The following DYRK1B variants were observed in gnomAD, a reference collection of about 807,000 sequenced individuals.
DYRK1B encodes the protein dual specificity tyrosine-phosphorylation-regulated kinase 1B.
A neutral mutation model predicts 57.1 loss-of-function variants in DYRK1B; 20 were observed. The observed-to-expected ratio is 0.35, with a 90% CI of 0.25 to 0.51. DYRK1B has a LOEUF of 0.51. Ranked by LOEUF, DYRK1B falls within the 20% of genes least tolerant of loss-of-function variation. DYRK1B has a pLI of 0.96. For missense variants in DYRK1B, 732 were observed against 886.3 expected (o/e 0.83, Z 2.21); for synonymous variants, 409 against 384.7 (o/e 1.06, Z -0.74).
rs757658083 is a variant in DYRK1B, at chr19:39,827,321, AC to A, written c.1058del (p.Gly353ValfsTer150). 3 of 1,613,296 alleles carry A rather than the reference AC, an allele frequency of 1.9e-6. No homozygotes were observed. The highest frequency in any genetic ancestry group is 2.5e-6 in the Non-Finnish European group (3 of 1,179,588). ...ARKYFERLPG[G>X]GWTLRRTKEL... ...CTTTCGTCCTTCGTAGGGTCCAGCC[AC>A]CCCCAGGCAGCCGTTCAAAGTACTT... On this transcript the variant is annotated frameshift_variant, in exon 8 of 11. Coordinates refer to ENST00000323039, the MANE Select transcript of DYRK1B (RefSeq NM_004714.3). LOFTEE classifies it high-confidence loss of function.
chr19:39,827,008 G>A, intron 8 of DYRK1B, 21 bp from the exon 9 acceptor site: 2 of 1,379,804 alleles, frequency 1.4e-6, no homozygotes, highest in African/African-American at 1.5e-5. Flanking sequence ...GGGGGTGGGA[G>A]GGGGGGCAAG....
chr19:39,830,766 C>A lies in DYRK1B; in HGVS notation c.81G>T (p.Arg27=), dbSNP rs781197009. ...QEHTQVLPDV[R]LLPRRLPLAF... ...CCAGGGGCAGCCTCCGAGGCAGTAG[C>A]CGCACATCAGGCAATACCTGCAGGG... The change falls in exon 3 of 11, where the codon CGG becomes CGT. Residue 27 remains arginine (R), a synonymous_variant. Transcript: ENST00000323039. 6.2e-7 allele frequency: 1 copy of A among 1,613,328 alleles called. No homozygotes were observed. The highest frequency in any genetic ancestry group is 8.5e-7 in the Non-Finnish European group (1 of 1,179,720).
Position 39,826,111 on chromosome 19 carries a change from T to A in DYRK1B, c.1519-25A>T, listed in dbSNP as rs1599636874. On this transcript the variant is annotated intron_variant, in intron 10 of 10. Transcript: ENST00000323039. The surrounding 1 kb of genome is among the most constrained non-coding windows in gnomAD (Gnocchi z 6.3). ...CCTAAAAAAGCAAAGGAGCCATGGGTGATGGAGACCCTGGTCTCTAAGCCC... is the reference window on the plus strand; with the variant it reads ...CCTAAAAAAGCAAAGGAGCCATGGGAGATGGAGACCCTGGTCTCTAAGCCC... 6.5e-7 allele frequency: 1 copy of A among 1,541,936 alleles called. No homozygotes were observed. The highest frequency in any genetic ancestry group is 2.2e-5 in the Admixed American group (1 of 46,292).
intron 2 of DYRK1B, among the ~76,000 whole-genome samples, chr19:39,831,257 C>T (rs1388385855): frequency 1.3e-5 from 2 of 152,082 alleles, no homozygotes; most frequent in East Asian, 3.9e-4. Flanking sequence ...TGGATCTGGC[C>T]CCTGGACCTC....
chr19:39,827,249 C>A (rs374376022), intron 8 of DYRK1B, 36 bp downstream of exon 8: 3 of 1,560,802 alleles, frequency 1.9e-6, no homozygotes, highest in South Asian at 2.3e-5. Context: ...TGAGGGGCCA[C>A]GGGGTGGGAG....
chr19:39,826,688 G>A lies in DYRK1B; in HGVS notation c.1395C>T (p.Ser465=). 1.9e-6 allele frequency: 3 copies of A among 1,603,960 alleles called. No individual in the cohort carries two copies. The highest frequency in any genetic ancestry group is 8.5e-7 in the Non-Finnish European group (1 of 1,176,330). Residue 465 remains serine (S), a synonymous_variant, in exon 9 of 11, where the codon AGC becomes AGT. Coordinates refer to ENST00000323039, the MANE Select transcript of DYRK1B (RefSeq NM_004714.3). The surrounding 1 kb of genome is among the most constrained non-coding windows in gnomAD (Gnocchi z 6.3). ...GGCACCCACCAGAACTGGAGATGGA[G>A]CTGGCGGTGCTGGAAGAGGGGCAGG... ...LDTCPSSSTA[S]SISSSGGSSG...
In DYRK1B at chr19:39,830,000, G is replaced by T; in HGVS notation, c.400C>A (p.Gln134Lys). The change falls in exon 5 of 11, where the codon CAG becomes AAG. Residue 134 changes from glutamine to lysine, a missense_variant. Gln to Lys is a moderately conservative substitution (Grantham distance 53, BLOSUM62 1). Coordinates refer to ENST00000323039, the MANE Select transcript of DYRK1B (RefSeq NM_004714.3). Reference sequence around the variant, plus strand: ...ATGATCTTGATGGCCACAAGCTCCTGGGTCTGATGATCATAGGCTTTCACC... The same window carrying T: ...ATGATCTTGATGGCCACAAGCTCCTTGGTCTGATGATCATAGGCTTTCACC... ...QVVKAYDHQT[Q>K]ELVAIKIIKN... 1 of 1,614,100 alleles carries T rather than the reference G, an allele frequency of 6.2e-7. No homozygotes were observed. Among genetic ancestry groups the T allele is most frequent in the Non-Finnish European group, 8.5e-7 (1 of 1,180,026 alleles).
At chr19:39,827,850 G>A (rs975978470) in intron 6 of DYRK1B, among the ~76,000 whole-genome samples, 194 bp from the exon 7 acceptor site, 5 of 152,058 alleles carry the variant, frequency 3.3e-5, no homozygotes, top group African/African-American at 1.2e-4. Flanking sequence ...TGGGGAGTCT[G>A]CTGGCCTAGA....
rs755904574 is a variant in DYRK1B at position 39,826,778 on chromosome 19, G to A, written c.1305C>T (p.Ala435=). 1.5e-5 allele frequency: 24 copies of A among 1,563,796 alleles called. No individual in the cohort carries two copies. The highest frequency in any genetic ancestry group is 1.4e-4 in the South Asian group (12 of 84,742). ...CCGGGCCCGTGTTGGTGGCCTCGTC[G>A]GCCGTGCGGCGGAAGAAGCCGTGCT... is the stretch of plus-strand genomic sequence containing the variant. ...ALQHGFFRRT[A]DEATNTGPAG... The change falls in exon 9 of 11, where the codon GCC becomes GCT. Residue 435 remains alanine (A), a synonymous_variant. Coordinates refer to ENST00000323039, the MANE Select transcript of DYRK1B (RefSeq NM_004714.3). The surrounding 1 kb of genome is among the most constrained non-coding windows in gnomAD (Gnocchi z 6.3).
chr19:39,826,411 C>G lies in DYRK1B; in HGVS notation c.1412-125G>C. The G allele has an allele frequency of 2.3e-6, 2 of 883,846 alleles. No individual in the cohort carries two copies. Among genetic ancestry groups the G allele is most frequent in the Non-Finnish European group, 3.3e-6 (2 of 603,564 alleles). 54.8% of individuals were successfully genotyped at this position (883,846 alleles called of 1,614,324 possible). ...TTCAGGCTTCAAGAGCAGAGCCCATCTGAAGCACCGGGCCCAATTCTGAGA... is the reference window on the plus strand; with the variant it reads ...TTCAGGCTTCAAGAGCAGAGCCCATGTGAAGCACCGGGCCCAATTCTGAGA... On this transcript the variant is annotated intron_variant, in intron 9 of 10. Transcript: ENST00000323039. The surrounding 1 kb of genome is among the most constrained non-coding windows in gnomAD (Gnocchi z 6.3).
Position 39,825,793 on chromosome 19 carries a change from C to A in DYRK1B, c.1812G>T (p.Pro604=). The change falls in exon 11 of 11, where the codon CCG becomes CCT. Residue 604 remains proline (P), a synonymous_variant. Transcript: ENST00000323039. Reference sequence around the variant, plus strand: ...CCAGAGTGGCAGGGTCATCAGGAGGCGGGAGGGGTGGACGACCTCCAGTCA... The same window carrying A: ...CCAGAGTGGCAGGGTCATCAGGAGGAGGGAGGGGTGGACGACCTCCAGTCA... ...TRMTGGRPPL[P]PPDDPATLGP... is the part of the protein sequence containing the mutation. 3 of 1,575,482 alleles carry A rather than the reference C, an allele frequency of 1.9e-6. No homozygotes were observed. In the South Asian group the frequency reaches 3.4e-5, roughly 18 times the overall value.
At chr19:39,829,823 C>CT (rs757919480) in intron 5 of DYRK1B, 57 bp downstream of exon 5, 1 of 1,592,974 alleles carries the variant, frequency 6.3e-7, no homozygotes, top group Non-Finnish European at 8.6e-7. Flanking sequence ...CCCATCCCTA[C>CT]TGGCTCCAGC....
chr19:39,832,014 A>C (rs1483937020), intron 1 of DYRK1B, 46 bp from the exon 2 acceptor site: 11 of 1,402,290 alleles, frequency 7.8e-6, no homozygotes, highest in African/African-American at 3.0e-5. Context: ...ACAAGGGGAT[A>C]TGTGAATAGT....
In DYRK1B at chr19:39,833,390, C is replaced by T. The variant is rs528586008; in HGVS notation, c.-102+633G>A. The stretch of plus-strand genomic sequence containing the variant: ...AAAAGGCGACCGCCTGTCTCTGGCC[C>T]GGCCGGCCCCGCGGCGGGGAGGGCA... On this transcript the variant is annotated intron_variant, in intron 1 of 10. Transcript: ENST00000323039. 252 of 981,674 alleles carry T rather than the reference C, an allele frequency of 2.6e-4. No homozygotes were observed. In the African/African-American group the frequency reaches 4.2e-3, roughly 16 times the overall value. The allele number at this position is 981,674 out of a possible 1,614,324, so 60.8% of individuals were successfully genotyped here. A position where few individuals can be genotyped will look rare whatever the true frequency, so the allele number is the denominator to read the frequency against.
chr19:39,829,932 C>T lies in DYRK1B; in HGVS notation c.468G>A (p.Leu156=), dbSNP rs1442066502. The change falls in exon 5 of 11, where the codon CTG becomes CTA. Residue 156 remains leucine (L), a synonymous_variant. Transcript: ENST00000323039. The part of the protein sequence containing the change: ...KAFLNQAQIE[L]RLLELMNQHD... Reference sequence around the variant, plus strand: ...GCTGGTTCATCAGCTCCAGCAGCCGCAGCTCAATCTGGGCCTGGTTCAGGA... The same window carrying T: ...GCTGGTTCATCAGCTCCAGCAGCCGTAGCTCAATCTGGGCCTGGTTCAGGA... 1 of 1,614,108 alleles carries T rather than the reference C, an allele frequency of 6.2e-7. No individual in the cohort carries two copies. Among genetic ancestry groups the T allele is most frequent in the Admixed American group, 1.7e-5 (1 of 60,014 alleles).
intron 8 of DYRK1B, 112 bp downstream of exon 8, chr19:39,827,173 G>C (rs1968579776): frequency 7.2e-7 from 1 of 1,387,870 alleles, no homozygotes; most frequent in African/African-American, 1.4e-5. Context: ...GGACAGACAA[G>C]GGGGAGTGGA....
chr19:39,826,354 T>A lies in DYRK1B; in HGVS notation c.1412-68A>T. The A allele has an allele frequency of 3.8e-6, 5 of 1,321,266 alleles. No individual in the cohort carries two copies. Among genetic ancestry groups the A allele is most frequent in the Non-Finnish European group, 2.1e-6 (2 of 968,436 alleles). The allele number at this position is 1,321,266 out of a possible 1,614,324, so 81.8% of individuals were successfully genotyped here. ...AGAAGGTGGCGAGTGGGTTTTGGGA[T>A]GGCTGAGGGAAGGTCACGGCCCAGG... is the stretch of plus-strand genomic sequence containing the variant. On this transcript the variant is annotated intron_variant, in intron 9 of 10. Transcript: ENST00000323039. The surrounding 1 kb of genome is among the most constrained non-coding windows in gnomAD (Gnocchi z 6.3).
Position 39,828,909 on chromosome 19 carries a change from G to A in DYRK1B, c.521-326C>T, listed in dbSNP as rs910206397. 6.6e-6 allele frequency among the ~76,000 whole-genome samples: 1 copy of A among 151,904 alleles called. No homozygotes were observed. The highest frequency in any genetic ancestry group is 1.5e-5 in the Non-Finnish European group (1 of 68,032). On this transcript the variant is annotated intron_variant, in intron 5 of 10. Transcript: ENST00000323039. The surrounding 1 kb of genome is among the most constrained non-coding windows in gnomAD (Gnocchi z 4.3). ...TTCATTTTTGTGGCAAAGGACACTG[G>A]TTTTCCGTTTACTTTAAGGATATAC...
chr19:39,833,854 T>C (rs1968950539), intron 1 of DYRK1B, among the ~76,000 whole-genome samples, 169 bp downstream of exon 1: 1 of 152,010 alleles, frequency 6.6e-6, no homozygotes, highest in Non-Finnish European at 1.5e-5. Flanking sequence ...CTTGGCCGGT[T>C]CCAGGAATTC....
Sources: gnomAD v4.1 joint callset for allele counts (sites outside exome capture counted in the v4.1 genomes callset) on GRCh38, gnomAD v4.1.1 for gene constraint, Gnocchi (gnomAD v3.1) non-coding constraint, MANE v1.5 for transcripts, NCBI Gene and HGNC (gene_info 2026-07-23, HGNC 2026-07-21) for gene names.